Variants in ZMYM4 observed in about 807,000 individuals in gnomAD.
The protein encoded by ZMYM4 is zinc finger MYM-type containing 4.
Under a neutral mutation model 183.2 loss-of-function variants are expected in ZMYM4, and 31 were observed. That is an observed-to-expected ratio of 0.17 (90% CI 0.13 to 0.23). ZMYM4 has a LOEUF of 0.23. ZMYM4 is among the 10% of genes least tolerant of loss of function. The pLI, the probability that ZMYM4 is intolerant of heterozygous loss-of-function variation, is 1.00. For synonymous variants in ZMYM4, 592 were observed against 631.2 expected (o/e 0.94, Z 0.93); for missense variants, 1,273 against 1,840.3 (o/e 0.69, Z 5.64).
intron 3 of ZMYM4, among the ~76,000 whole-genome samples, 163 bp from the exon 4 acceptor site, chr1:35,361,031 G>C (rs1643925408): frequency 6.6e-6 from 1 of 150,994 alleles, no homozygotes; most frequent in African/African-American, 2.4e-5. Flanking sequence ...GCAGAACTTT[G>C]AGTGAAAATA....
chr1:35,318,532 A>G (rs1191806897), intron 1 of ZMYM4, among the ~76,000 whole-genome samples: 1 of 152,168 alleles, frequency 6.6e-6, no homozygotes, highest in African/African-American at 2.4e-5. Flanking sequence ...ATCTCGGCTC[A>G]CTGCAACCTC....
chr1:35,392,660 A>G lies in ZMYM4; in HGVS notation c.2742A>G (p.Thr914=). Residue 914 remains threonine, a synonymous_variant, in exon 17 of 30, where the codon ACA becomes ACG. Coordinates refer to ENST00000314607, the MANE Select transcript of ZMYM4 (RefSeq NM_005095.3). ...SNSVLQGAVP[T]VTAKIIGDAS... Reference sequence around the variant, plus strand: ...ATTTATATCAAGGTGCAGTTCCAACAGTAACAGCGAAAATCATCGGTGATG... The same window carrying G: ...ATTTATATCAAGGTGCAGTTCCAACGGTAACAGCGAAAATCATCGGTGATG... 6.3e-7 allele frequency: 1 copy of G among 1,594,710 alleles called. No individual in the cohort carries two copies.
intron 1 of ZMYM4, among the ~76,000 whole-genome samples, chr1:35,278,218 G>A (rs918706268): frequency 6.7e-6 from 1 of 149,776 alleles, no homozygotes; most frequent in Non-Finnish European, 1.5e-5. Flanking sequence ...GATGTTCTCA[G>A]CTCAAGATCC....
intron 28 of ZMYM4, among the ~76,000 whole-genome samples, chr1:35,417,857 A>G (rs989656593): frequency 1.6e-4 from 25 of 152,002 alleles, no homozygotes; most frequent in African/African-American, 6.0e-4. Context: ...TAAAAATACA[A>G]AAAAATTAGC....
chr1:35,371,673 T>C (rs1246564281), intron 7 of ZMYM4, among the ~76,000 whole-genome samples: 3 of 152,194 alleles, frequency 2.0e-5, no homozygotes, highest in African/African-American at 7.2e-5. Context: ...GTAATGTTTA[T>C]AGTTCCTCAC....
At chr1:35,385,935 T>C (rs189540260) in intron 10 of ZMYM4, 139 bp from the exon 11 acceptor site, 43 of 576,596 alleles carry the variant, frequency 7.5e-5, no homozygotes, top group Admixed American at 5.4e-4. Flanking sequence ...TTTGTCTATA[T>C]GTGACATGAT....
chr1:35,270,057 A>G (rs913125748), intron 1 of ZMYM4, among the ~76,000 whole-genome samples: 21 of 152,190 alleles, frequency 1.4e-4, no homozygotes, highest in Admixed American at 5.2e-4. Flanking sequence ...TAATCTCGTA[A>G]TGATGCTACA....
At chr1:35,393,484 A>C (rs957626020) in intron 17 of ZMYM4, 111 bp from the exon 18 acceptor site, 1 of 970,980 alleles carries the variant, frequency 1.0e-6, no homozygotes, top group African/African-American at 1.7e-5. Flanking sequence ...TTTACTTGCT[A>C]TGTCCTCCAT....
chr1:35,269,303 CGTT>C (rs1370751302), intron 1 of ZMYM4, among the ~76,000 whole-genome samples: 2 of 151,524 alleles, frequency 1.3e-5, no homozygotes, highest in African/African-American at 4.8e-5. Context: ...GGGAGGGGGC[CGTT>C]GTTTGCCTTC....
At chr1:35,409,939 C>CAAA (rs141418759) in intron 26 of ZMYM4, among the ~76,000 whole-genome samples, 84 of 116,914 alleles carry the variant, frequency 7.2e-4, no homozygotes, top group African/African-American at 2.6e-3. Flanking sequence ...GACTCTGTCT[C>CAAA]AAAAAAAAAA....
At chr1:35,415,112 T>C (rs1640061402) in intron 27 of ZMYM4, among the ~76,000 whole-genome samples, 1 of 152,184 alleles carries the variant, frequency 6.6e-6, no homozygotes, top group African/African-American at 2.4e-5. Context: ...TCTGCCTGTT[T>C]ATGTGTTCTC....
chr1:35,272,250 G>C (rs1436117734), intron 1 of ZMYM4, among the ~76,000 whole-genome samples: 1 of 152,140 alleles, frequency 6.6e-6, no homozygotes, highest in African/African-American at 2.4e-5. Flanking sequence ...ATCTGAAATT[G>C]CATTGATGAC....
At chr1:35,368,068 C>CT (rs1204869415) in intron 5 of ZMYM4, among the ~76,000 whole-genome samples, 2 of 134,384 alleles carry the variant, frequency 1.5e-5, no homozygotes, top group Non-Finnish European at 3.2e-5. Context: ...AGCGCCCCCC[C>CT]CCCACCCATT....
Position 35,421,952 on chromosome 1 carries a change from G to A in ZMYM4, c.*2275G>A, listed in dbSNP as rs183663752. ...TAGTATATTTGTATTTGATGGGTGA[G>A]TTCTTCTTCTTTACGTCTTAAAAGA... On this transcript the variant is annotated 3_prime_UTR_variant, in exon 30 of 30. Coordinates refer to ENST00000314607, the MANE Select transcript of ZMYM4 (RefSeq NM_005095.3). 1 of 152,164 alleles carries A rather than the reference G, an allele frequency of 6.6e-6. No homozygotes were observed. Among genetic ancestry groups the A allele is most frequent in the Non-Finnish European group, 1.5e-5 (1 of 67,982 alleles). 9.4% of individuals were successfully genotyped at this position (152,164 alleles called of 1,614,324 possible). A position where few individuals can be genotyped will look rare whatever the true frequency, so the allele number is the denominator to read the frequency against.
chr1:35,348,594 G>A (rs545235034), intron 2 of ZMYM4, among the ~76,000 whole-genome samples: 1 of 152,196 alleles, frequency 6.6e-6, no homozygotes, highest in African/African-American at 2.4e-5. Flanking sequence ...TTCAGTTTAG[G>A]ATCATACATA....
chr1:35,414,374 C>T (rs1038997193), intron 27 of ZMYM4, among the ~76,000 whole-genome samples: 10 of 152,168 alleles, frequency 6.6e-5, no homozygotes, highest in African/African-American at 2.4e-4. Flanking sequence ...TTTCACATAT[C>T]ATATCTGCTA....
At chr1:35,303,504 C>T (rs940134995) in intron 1 of ZMYM4, among the ~76,000 whole-genome samples, 3 of 152,062 alleles carry the variant, frequency 2.0e-5, no homozygotes, top group African/African-American at 7.2e-5. Flanking sequence ...CGTCTGGGTT[C>T]AAGCGATTCT....
chr1:35,364,415 A>G (rs753608147), intron 5 of ZMYM4, among the ~76,000 whole-genome samples: 6 of 152,194 alleles, frequency 3.9e-5, no homozygotes, highest in Admixed American at 2.6e-4. Flanking sequence ...CCCCCAGAGC[A>G]GCTCTCATGT....
chr1:35,323,183 G>A (rs955678482), intron 1 of ZMYM4, among the ~76,000 whole-genome samples: 29 of 150,718 alleles, frequency 1.9e-4, no homozygotes, highest in African/African-American at 6.3e-4. Context: ...TGTATTTTCA[G>A]TAGGGATGGG....
Sources: allele counts gnomAD v4.1 joint callset (sites outside exome capture counted in the v4.1 genomes callset), GRCh38; gene constraint gnomAD v4.1.1; transcripts MANE v1.5; gene names NCBI Gene and HGNC (gene_info 2026-07-23, HGNC 2026-07-21).